Variants in TRAF3IP1 observed in about 807,000 individuals in gnomAD.
The protein encoded by TRAF3IP1 is TRAF3-interacting protein 1.
In TRAF3IP1, 53 loss-of-function variants were observed where a neutral mutation model predicts 89.9. That is an observed-to-expected ratio of 0.59 (90% CI 0.47 to 0.74). The LOEUF is 0.74. Ranked by LOEUF, TRAF3IP1 falls within the 30% of genes least tolerant of loss-of-function variation. TRAF3IP1 has a pLI of 0.00. For synonymous variants in TRAF3IP1, 311 were observed against 322.1 expected (o/e 0.97, Z 0.37); for missense variants, 806 against 866.1 (o/e 0.93, Z 0.87).
At chr2:238,343,585 C>T (rs147309462) in intron 8 of TRAF3IP1, among the ~76,000 whole-genome samples, 11 of 149,808 alleles carry the variant, frequency 7.3e-5, no homozygotes, top group Admixed American at 6.6e-5. Context: ...GTTGCCCAGG[C>T]TGGTGCCTGC....
In TRAF3IP1 at chr2:238,320,730, C is replaced by T. The variant is rs1413908284; in HGVS notation, c.68C>T (p.Thr23Ile). 5.5e-6 allele frequency: 8 copies of T among 1,452,894 alleles called. No individual in the cohort carries two copies. The Admixed American group carries it at 1.9e-4, about 34-fold the overall frequency. 90.0% of individuals were successfully genotyped at this position (1,452,894 alleles called of 1,614,324 possible). A position where few individuals can be genotyped will look rare whatever the true frequency, so the allele number is the denominator to read the frequency against. Residue 23 changes from threonine to isoleucine, a missense_variant, in exon 1 of 17, where the codon ACC becomes ATC. Physicochemically the swap from Thr to Ile is moderately conservative, Grantham distance 89 (BLOSUM62 -1). Transcript: ENST00000373327. The stretch of plus-strand genomic sequence containing the variant: ...AAAGTGATTCGGAGGCCGCCGCTGA[C>T]CGAGAAGCTGCTGAGCAAGCCCCCG... ...LGKVIRRPPL[T>I]EKLLSKPPFR...
chr2:238,359,780 C>A (rs973777269), intron 15 of TRAF3IP1, among the ~76,000 whole-genome samples: 1 of 152,196 alleles, frequency 6.6e-6, no homozygotes. Flanking sequence ...TCCATGACCC[C>A]TAGCGGATGC....
intron 15 of TRAF3IP1, among the ~76,000 whole-genome samples, chr2:238,369,476 CTG>C (rs1267199760): frequency 3.3e-5 from 5 of 152,350 alleles, no homozygotes; most frequent in Admixed American, 6.5e-5. Context: ...CTCAAACAGT[CTG>C]TGCTCTTCCC....
At chr2:238,353,047 T>A in intron 13 of TRAF3IP1, 97 bp downstream of exon 13, 1 of 1,527,520 alleles carries the variant, frequency 6.5e-7, no homozygotes, top group Non-Finnish European at 8.9e-7. Context: ...AAAAATGTCC[T>A]GTAATTTTTC....
chr2:238,332,702 T>G, intron 5 of TRAF3IP1, 122 bp from the exon 6 acceptor site: 1 of 713,116 alleles, frequency 1.4e-6, no homozygotes, highest in Non-Finnish European at 2.4e-6. Flanking sequence ...ACTGGCGATG[T>G]GGTGTTCTCA....
At position 238,392,149 on chromosome 2, in the gene TRAF3IP1, TC is replaced by T. The variant is rs1425890882; in HGVS notation, c.1690-5309del. Among the ~76,000 whole-genome samples the T allele has an allele frequency of 4.3e-4, 66 of 152,216 alleles. 1 individual carries two copies. The highest frequency in any genetic ancestry group is 1.5e-3 in the African/African-American group (64 of 41,538). ...ACTTTGGCAGGCTGAGGCAGGAGAA[TC>T]GCTTGAGCCCAGGAGTTTGCGTTCA... On this transcript the variant is annotated intron_variant, in intron 15 of 16. Transcript: ENST00000373327.
In TRAF3IP1 at chr2:238,385,252, G is replaced by A. The variant is rs575841463; in HGVS notation, c.1690-12207G>A. Among the ~76,000 whole-genome samples, 740 of 152,174 alleles carry A rather than the reference G, an allele frequency of 4.9e-3. 5 individuals are homozygous for A. Among genetic ancestry groups the A allele is most frequent in the African/African-American group, 0.017 (713 of 41,512 alleles). On this transcript the variant is annotated intron_variant, in intron 15 of 16. Coordinates refer to ENST00000373327, the MANE Select transcript of TRAF3IP1 (RefSeq NM_015650.4). ...AGGATGGTCTCGATCTCCTGACCTC[G>A]TGATCCGCCCGCCTCGGCCTCCCAA...
At chr2:238,321,000 T>C (rs1210536844) in intron 1 of TRAF3IP1, among the ~76,000 whole-genome samples, 2 of 139,082 alleles carry the variant, frequency 1.4e-5, no homozygotes, top group African/African-American at 2.7e-5. Context: ...CAGGGCCGGG[T>C]GTGGGCCGGG....
chr2:238,398,703 A>G (rs761688551), intron 16 of TRAF3IP1, 51 bp from the exon 17 acceptor site: 12 of 1,495,182 alleles, frequency 8.0e-6, no homozygotes, highest in Non-Finnish European at 1.1e-5. Flanking sequence ...TAAGAAGCCA[A>G]CACACAATGA....
chr2:238,381,912 C>T (rs534242745), intron 15 of TRAF3IP1, among the ~76,000 whole-genome samples: 21 of 152,118 alleles, frequency 1.4e-4, no homozygotes, highest in Admixed American at 5.9e-4. Flanking sequence ...AAGGGGCTGG[C>T]GGGTAGGAAG....
At chr2:238,347,538 T>A (rs1357972979) in intron 10 of TRAF3IP1, 63 bp downstream of exon 10, 4 of 1,542,432 alleles carry the variant, frequency 2.6e-6, no homozygotes, top group Admixed American at 3.4e-5. Flanking sequence ...TGAATGTGAA[T>A]GTGGACTCTC....
intron 15 of TRAF3IP1, among the ~76,000 whole-genome samples, chr2:238,377,546 A>G (rs896571593): frequency 6.6e-6 from 1 of 152,098 alleles, no homozygotes; most frequent in Non-Finnish European, 1.5e-5. Context: ...CAGTCTTTAC[A>G]TTCCTTGGAT....
intron 15 of TRAF3IP1, among the ~76,000 whole-genome samples, chr2:238,367,889 G>A (rs779445630): frequency 5.3e-5 from 8 of 152,184 alleles, no homozygotes; most frequent in Non-Finnish European, 1.0e-4. Context: ...GTCTCAGTGC[G>A]GGGTGGGCGC....
chr2:238,383,395 G>A (rs907615809), intron 15 of TRAF3IP1, among the ~76,000 whole-genome samples: 1 of 152,162 alleles, frequency 6.6e-6, no homozygotes, highest in Non-Finnish European at 1.5e-5. Flanking sequence ...GTCCAGCATA[G>A]GCCTTTGGAA....
intron 8 of TRAF3IP1, among the ~76,000 whole-genome samples, chr2:238,341,622 T>C (rs1269099780): frequency 6.6e-6 from 1 of 151,856 alleles, no homozygotes; most frequent in African/African-American, 2.4e-5. Flanking sequence ...GGCCGAATGA[T>C]GGACCTCTTT....
chr2:238,394,469 A>G (rs781432116), intron 15 of TRAF3IP1, among the ~76,000 whole-genome samples: 3 of 151,966 alleles, frequency 2.0e-5, no homozygotes, highest in Non-Finnish European at 2.9e-5. Context: ...TTTCATCTGC[A>G]TTGTTTCGTT....
intron 14 of TRAF3IP1, among the ~76,000 whole-genome samples, chr2:238,355,480 A>G (rs1467949450): frequency 6.6e-6 from 1 of 152,260 alleles, no homozygotes; most frequent in Non-Finnish European, 1.5e-5. Context: ...CATTTCCTTC[A>G]TAGCCACGTC....
At chr2:238,322,687 CAAAAAAAAAAA>C (rs71043130) in intron 1 of TRAF3IP1, among the ~76,000 whole-genome samples, 44 of 43,598 alleles carry the variant, frequency 1.0e-3, no homozygotes, top group African/African-American at 4.8e-3. Flanking sequence ...GACCCTGTCT[CAAAAAAAAAAA>C]AAAAAAAAAA....
At chr2:238,324,701 T>G (rs1013068401) in intron 1 of TRAF3IP1, among the ~76,000 whole-genome samples, 2 of 152,160 alleles carry the variant, frequency 1.3e-5, no homozygotes, top group African/African-American at 4.8e-5. Context: ...GTTTCCTGCT[T>G]CAAGTGATTC....
Sources: gnomAD v4.1 joint callset for allele counts (sites outside exome capture counted in the v4.1 genomes callset) on GRCh38, gnomAD v4.1.1 for gene constraint, MANE v1.5 for transcripts, NCBI Gene and HGNC (gene_info 2026-07-23, HGNC 2026-07-21) for gene names.